The following USP13 variants were observed in gnomAD, a reference collection of about 807,000 sequenced individuals.
USP13 encodes ubiquitin carboxyl-terminal hydrolase 13.
A neutral mutation model predicts 107.8 loss-of-function variants in USP13; 68 were observed. That is an observed-to-expected ratio of 0.63 (90% CI 0.52 to 0.77). The LOEUF (loss-of-function observed/expected upper bound fraction) is 0.77, where lower values mean the gene tolerates loss of function less well. USP13 is among the 30% of genes least tolerant of loss of function. The pLI is 0.00. For missense variants in USP13, 945 were observed against 1,093.3 expected, an observed-to-expected ratio of 0.86 and a Z score of 1.91; for synonymous variants, 377 against 389.5, an observed-to-expected ratio of 0.97 and a Z score of 0.38.
intron 1 of USP13, among the ~76,000 whole-genome samples, chr3:179,657,078 G>A (rs781649430): frequency 9.9e-5 from 15 of 152,238 alleles, no homozygotes; most frequent in Non-Finnish European, 1.3e-4. Flanking sequence ...CCGTCACTCA[G>A]TGTGTAACTT....
chr3:179,698,620 G>T (rs1020197570), intron 3 of USP13, among the ~76,000 whole-genome samples: 3 of 151,430 alleles, frequency 2.0e-5, no homozygotes, highest in Admixed American at 1.3e-4. Flanking sequence ...ATAAACACAA[G>T]ATTTATGCCC....
At chr3:179,738,509 C>A (rs995365759) in intron 10 of USP13, among the ~76,000 whole-genome samples, 1 of 152,112 alleles carries the variant, frequency 6.6e-6, no homozygotes, top group Admixed American at 6.5e-5. Context: ...CTCAGCTTCC[C>A]GAGTGAAGAT....
At chr3:179,654,317 C>G (rs527695689) in intron 1 of USP13, among the ~76,000 whole-genome samples, 1 of 152,172 alleles carries the variant, frequency 6.6e-6, no homozygotes, top group South Asian at 2.1e-4. Context: ...TAAGCCTTCC[C>G]CACCTTGCCC....
rs1056368983 is a variant in USP13, at chr3:179,708,647, C to T, written c.621-126C>T. The T allele has an allele frequency of 6.8e-6, 8 of 1,173,928 alleles. No homozygotes were observed. The Middle Eastern group carries it at 8.7e-4, about 127-fold the overall frequency. The allele number at this position is 1,173,928 out of a possible 1,614,324, so 72.7% of individuals were successfully genotyped here. On this transcript the variant is annotated intron_variant, in intron 5 of 20. Coordinates refer to ENST00000263966, the MANE Select transcript of USP13 (RefSeq NM_003940.3). ...GTCTTGAGGGGAGAAAATGGGGAAG[C>T]ATCAGTCTCTGTTATTCCACTGAGC...
chr3:179,761,229 G>T lies in USP13; in HGVS notation c.2066G>T (p.Trp689Leu). ...ATGGGCGCCGAGGTGGCCTTCAACT[G>T]GATCATTGTTCACATGGAAGAGCCA... ...GNMGAEVAFN[W>L]IIVHMEEPDF... Residue 689 changes from tryptophan to leucine, a missense_variant, in exon 17 of 21, where the codon TGG (tryptophan) becomes TTG (leucine). Physicochemically the swap from Trp to Leu is moderately conservative, Grantham distance 61. Coordinates refer to ENST00000263966, the MANE Select transcript of USP13 (RefSeq NM_003940.3). 1 of 1,614,152 alleles carries T rather than the reference G, an allele frequency of 6.2e-7. No homozygotes were observed. The highest frequency in any genetic ancestry group is 1.1e-5 in the South Asian group (1 of 91,082).
intron 10 of USP13, among the ~76,000 whole-genome samples, chr3:179,739,654 T>G (rs867945164): frequency 2.0e-5 from 3 of 151,838 alleles, no homozygotes; most frequent in Non-Finnish European, 4.4e-5. Context: ...ACCTCCCGGG[T>G]TCAAGCGATT....
chr3:179,775,320 T>G (rs1715488647), intron 19 of USP13, among the ~76,000 whole-genome samples: 1 of 152,144 alleles, frequency 6.6e-6, no homozygotes, highest in South Asian at 2.1e-4. Flanking sequence ...CCAGATTAGC[T>G]AGACACAGAG....
intron 6 of USP13, among the ~76,000 whole-genome samples, chr3:179,712,308 CAACA>C (rs1418394055): frequency 1.3e-5 from 2 of 152,034 alleles, no homozygotes; most frequent in South Asian, 2.1e-4. Context: ...CTTGATTTTG[CAACA>C]AACAGATATT....
chr3:179,701,134 GT>G lies in USP13; in HGVS notation c.477+6del, dbSNP rs1382079322. ...ATTGAGGAGTTACCAGCCCTGGTCA[GT>G]GAGTGTGCACGGCTGCTAGCTAGAT... On this transcript the variant is annotated splice_donor_region_variant and intron_variant, in intron 4 of 20. Transcript: ENST00000263966. 1 of 1,554,122 alleles carries G rather than the reference GT, an allele frequency of 6.4e-7. No homozygotes were observed. The highest frequency in any genetic ancestry group is 8.8e-7 in the Non-Finnish European group (1 of 1,142,058).
rs1322484988 is a variant in USP13 at position 179,707,336 on chromosome 3, T to A, written c.620+260T>A. 5.3e-5 allele frequency among the ~76,000 whole-genome samples: 8 copies of A among 152,282 alleles called. No individual in the cohort carries two copies. In the South Asian group the frequency reaches 8.3e-4, roughly 16 times the overall value. On this transcript the variant is annotated intron_variant, in intron 5 of 20. Transcript: ENST00000263966. ...CAACGCTTTGCATGAGAGCTTTTTC[T>A]GCTTGCTGAAGCCAGTTATGCCAGT...
At chr3:179,761,385 T>G in intron 17 of USP13, 130 bp downstream of exon 17, 1 of 1,187,048 alleles carries the variant, frequency 8.4e-7, no homozygotes, top group Non-Finnish European at 1.1e-6. Context: ...TCTCCTGCAG[T>G]GGAGGAGAAA....
chr3:179,738,927 A>G (rs1405781255), intron 10 of USP13, among the ~76,000 whole-genome samples: 1 of 152,086 alleles, frequency 6.6e-6, no homozygotes, highest in Non-Finnish European at 1.5e-5. Flanking sequence ...TCAAGGGTCA[A>G]GGGGATTGGA....
intron 1 of USP13, among the ~76,000 whole-genome samples, chr3:179,669,557 A>G (rs1720686529): frequency 6.6e-6 from 1 of 151,844 alleles, no homozygotes; most frequent in Non-Finnish European, 1.5e-5. Flanking sequence ...TCCTCCTGCC[A>G]TCTTCCCCAG....
chr3:179,680,133 A>G (rs1003949231), intron 1 of USP13, among the ~76,000 whole-genome samples: 1 of 151,954 alleles, frequency 6.6e-6, no homozygotes, highest in African/African-American at 2.4e-5. Context: ...GGATCCTGCC[A>G]TTACACTCCA....
chr3:179,757,436 G>A (rs560840182), intron 16 of USP13, among the ~76,000 whole-genome samples: 146 of 152,264 alleles, frequency 9.6e-4, no homozygotes, highest in Non-Finnish European at 5.7e-4. Flanking sequence ...TGGCACAGTG[G>A]TCAGTCACTT....
At chr3:179,722,406 G>A (rs4855110) in intron 8 of USP13, among the ~76,000 whole-genome samples, 42,574 of 152,028 alleles carry the variant, frequency 0.28, 7,124 homozygotes, top group African/African-American at 0.46. Flanking sequence ...TGAGCATTGG[G>A]AAATTGTAAC....
At position 179,742,063 on chromosome 3, in the gene USP13, T is replaced by G; in HGVS notation, c.1381-134T>G. ...TCCAGTGTTTTTCTATTAAAGTGCT[T>G]TGGTGAATGGGCATGGCCAGAGGAA... On this transcript the variant is annotated intron_variant, in intron 11 of 20. Transcript: ENST00000263966. This position sits in a 1 kb window ranked among gnomAD's most constrained non-coding sequence, Gnocchi z 5.0. The G allele has an allele frequency of 9.4e-7, 1 of 1,068,624 alleles. No homozygotes were observed. Among genetic ancestry groups the G allele is most frequent in the Non-Finnish European group, 1.3e-6 (1 of 761,068 alleles). The allele number at this position is 1,068,624 out of a possible 1,614,324, so 66.2% of individuals were successfully genotyped here. A position where few individuals can be genotyped will look rare whatever the true frequency, so the allele number is the denominator to read the frequency against.
At chr3:179,676,861 G>A (rs1269223583) in intron 1 of USP13, among the ~76,000 whole-genome samples, 2 of 152,106 alleles carry the variant, frequency 1.3e-5, no homozygotes, top group African/African-American at 2.4e-5. Context: ...GTGTCCAGTG[G>A]AACATGCCTG....
intron 3 of USP13, among the ~76,000 whole-genome samples, chr3:179,699,456 A>C (rs1712431176): frequency 6.6e-6 from 1 of 152,172 alleles, no homozygotes. Flanking sequence ...TCACGCCTTT[A>C]ATCCCAGCAT....
Sources: gnomAD v4.1 joint callset for allele counts (sites outside exome capture counted in the v4.1 genomes callset) on GRCh38, gnomAD v4.1.1 for gene constraint, Gnocchi (gnomAD v3.1) non-coding constraint, MANE v1.5 for transcripts, NCBI Gene and HGNC (gene_info 2026-07-23, HGNC 2026-07-21) for gene names.